DLG2: variants seen among roughly 807,000 people sequenced by gnomAD.
DLG2 encodes discs large MAGUK scaffold protein 2, also known as disks large homolog 2.
A neutral mutation model predicts 132.5 loss-of-function variants in DLG2; 45 were observed. The observed-to-expected ratio is 0.34, with a 90% CI of 0.27 to 0.44. The LOEUF is 0.44. Among genes scored for constraint, DLG2 ranks in the 20% least tolerant of loss-of-function variants. DLG2 has a pLI of 1.00. For missense variants in DLG2, 1,045 were observed against 1,196.9 expected, an observed-to-expected ratio of 0.87 and a Z score of 1.87; for synonymous variants, 424 against 419.6, an observed-to-expected ratio of 1.01 and a Z score of -0.13.
chr11:85,530,132 A>G (rs1151251), intron 3 of DLG2, among the ~76,000 whole-genome samples: 145,428 of 150,806 alleles, frequency 0.96, 70,748 homozygotes, highest in Non-Finnish European at 1. Flanking sequence ...AAGTAGCTGG[A>G]ATTACAGGCA....
chr11:83,821,301 A>G (rs180795999), intron 17 of DLG2, among the ~76,000 whole-genome samples: 3 of 152,208 alleles, frequency 2.0e-5, no homozygotes, highest in African/African-American at 4.8e-5. Context: ...TCGACTCTCC[A>G]CTTATGTCAG....
At chr11:84,752,261 A>G (rs186420412) in intron 6 of DLG2, among the ~76,000 whole-genome samples, 7 of 152,236 alleles carry the variant, frequency 4.6e-5, no homozygotes, top group Non-Finnish European at 8.8e-5. Context: ...TTTCCTAGGC[A>G]TGGTTCTAGG....
At chr11:85,092,738 G>A (rs1050088532) in intron 6 of DLG2, among the ~76,000 whole-genome samples, 2 of 151,780 alleles carry the variant, frequency 1.3e-5, no homozygotes, top group African/African-American at 4.8e-5. Flanking sequence ...TGCCTCCTGG[G>A]TTCAAGCAAT....
At chr11:83,842,632 C>T (rs189570445) in intron 16 of DLG2, among the ~76,000 whole-genome samples, 29 of 150,348 alleles carry the variant, frequency 1.9e-4, no homozygotes, top group Admixed American at 1.7e-3. Context: ...ATCGAGACCA[C>T]GGTGAAAACC....
intron 6 of DLG2, among the ~76,000 whole-genome samples, chr11:84,551,627 T>C (rs1177249037): frequency 2.0e-5 from 3 of 152,232 alleles, no homozygotes; most frequent in African/African-American, 7.2e-5. Context: ...AAGTAACTTG[T>C]TCACACAACT....
intron 19 of DLG2, among the ~76,000 whole-genome samples, chr11:83,610,191 G>A (rs906815501): frequency 1.1e-4 from 17 of 152,156 alleles, no homozygotes; most frequent in African/African-American, 3.6e-4. Flanking sequence ...AAAACCGAGC[G>A]TGAGAGTCAG....
intron 6 of DLG2, among the ~76,000 whole-genome samples, chr11:84,570,978 T>C (rs956972466): frequency 1.4e-4 from 22 of 152,196 alleles, no homozygotes; most frequent in African/African-American, 5.3e-4. Context: ...TTAAAAGTAT[T>C]TGCTAAAATT....
At chr11:84,094,070 T>C (rs942594162) in intron 10 of DLG2, among the ~76,000 whole-genome samples, 1 of 152,130 alleles carries the variant, frequency 6.6e-6, no homozygotes, top group Non-Finnish European at 1.5e-5. Flanking sequence ...ACAGTGGGTC[T>C]TTTAAGCGTC....
intron 18 of DLG2, among the ~76,000 whole-genome samples, chr11:83,642,769 C>A (rs1361243534): frequency 6.6e-6 from 1 of 152,052 alleles, no homozygotes; most frequent in Non-Finnish European, 1.5e-5. Context: ...TGAGATAAAT[C>A]TGATTCATGT....
chr11:84,023,111 T>C (rs1433085685), intron 11 of DLG2, among the ~76,000 whole-genome samples: 1 of 152,184 alleles, frequency 6.6e-6, no homozygotes, highest in Non-Finnish European at 1.5e-5. Context: ...GGATAAAAAC[T>C]AGAAGATTCA....
chr11:84,534,672 G>A lies in DLG2; in HGVS notation c.417C>T (p.His139=), dbSNP rs371566006. 30 of 1,613,924 alleles carry A rather than the reference G, an allele frequency of 1.9e-5. No homozygotes were observed. Among genetic ancestry groups the A allele is most frequent in the African/African-American group, 6.7e-5 (5 of 74,916 alleles). ...GCACGAGTTCTGGGCCTCTTACTTCGTGGGTTAGTCGAGGTAAGGAATGAT... is the reference window on the plus strand; with the variant it reads ...GCACGAGTTCTGGGCCTCTTACTTCATGGGTTAGTCGAGGTAAGGAATGAT... The part of the protein sequence containing the change: ...PHDHSLPRLT[H]EVRGPELVHV... Residue 139 remains histidine (H), a synonymous_variant, in exon 7 of 28, where the codon CAC becomes CAT. Transcript: ENST00000376104.
chr11:84,817,389 G>A (rs1027354760), intron 6 of DLG2, among the ~76,000 whole-genome samples: 14 of 151,956 alleles, frequency 9.2e-5, no homozygotes, highest in African/African-American at 3.4e-4. Flanking sequence ...AGCCCCTTTA[G>A]GCTTAGAGTA....
chr11:85,274,054 A>G lies in DLG2; in HGVS notation c.186+11166T>C, dbSNP rs1287825149. Among the ~76,000 whole-genome samples the G allele has an allele frequency of 2.0e-5, 3 of 152,092 alleles. No homozygotes were observed. The South Asian group carries it at 6.2e-4, about 32-fold the overall frequency. On this transcript the variant is annotated intron_variant, in intron 4 of 27. Coordinates refer to ENST00000376104, the MANE Select transcript of DLG2 (RefSeq NM_001142699.3). ...CTCACTCATAGGTGGGAATTGAACC[A>G]CGAGAACACTTGGACACAGGGTGGG... is the stretch of plus-strand genomic sequence containing the variant.
At chr11:84,278,795 A>T (rs1028025200) in intron 7 of DLG2, among the ~76,000 whole-genome samples, 3 of 113,756 alleles carry the variant, frequency 2.6e-5, no homozygotes, top group Non-Finnish European at 5.6e-5. Flanking sequence ...ATGAAATAGT[A>T]AACATTATTT....
rs143411918 is a variant in DLG2, at chr11:84,827,587, G to A, written c.357+284074C>T. Among the ~76,000 whole-genome samples the A allele has an allele frequency of 2.6e-3, 382 of 147,302 alleles. 4 individuals carry two copies. The highest frequency in any genetic ancestry group is 9.4e-3 in the African/African-American group (378 of 40,054). ...GTTAGGCAGAAGAGCATGGCAGGAT[G>A]GCAGCCAGAGGGTAAAGCTTTGGGA... On this transcript the variant is annotated intron_variant, in intron 6 of 27. Transcript: ENST00000376104.
At chr11:85,623,001 T>A (rs1216507254) in intron 2 of DLG2, among the ~76,000 whole-genome samples, 1 of 148,092 alleles carries the variant, frequency 6.8e-6, no homozygotes, top group African/African-American at 2.5e-5. Context: ...GAGGTTCCAG[T>A]GAGCCGAGAT....
chr11:85,350,284 G>A (rs1376579704), intron 3 of DLG2, among the ~76,000 whole-genome samples: 4 of 152,010 alleles, frequency 2.6e-5, no homozygotes, highest in Non-Finnish European at 5.9e-5. Flanking sequence ...ATTTGTTTAA[G>A]TTCTTTGTAG....
intron 7 of DLG2, among the ~76,000 whole-genome samples, chr11:84,342,763 T>C (rs1567344588): frequency 6.6e-6 from 1 of 151,770 alleles, no homozygotes; most frequent in Non-Finnish European, 1.5e-5. Context: ...AAAGAAAGAG[T>C]TTGGGAACAC....
At chr11:83,713,970 G>T (rs1444651290) in intron 18 of DLG2, among the ~76,000 whole-genome samples, 1 of 152,158 alleles carries the variant, frequency 6.6e-6, no homozygotes, top group African/African-American at 2.4e-5. Flanking sequence ...TCAAAAGTGT[G>T]AAGTAAGTGA....
Sources: gnomAD v4.1 joint callset for allele counts (sites outside exome capture counted in the v4.1 genomes callset) on GRCh38, gnomAD v4.1.1 for gene constraint, MANE v1.5 for transcripts, NCBI Gene and HGNC (gene_info 2026-07-23, HGNC 2026-07-21) for gene names.